CDC42BPA: variants seen among roughly 807,000 people sequenced by gnomAD.
CDC42BPA encodes CDC42 binding protein kinase alpha, also known as serine/threonine-protein kinase MRCK alpha.
In CDC42BPA, 80 loss-of-function variants were observed where a neutral mutation model predicts 223.5. The ratio of observed to expected loss-of-function variants is 0.36; its 90% CI spans 0.30 to 0.43. CDC42BPA has a LOEUF of 0.43. CDC42BPA is among the 20% of genes least tolerant of loss of function. CDC42BPA has a pLI of 1.00. For missense variants in CDC42BPA, 1,743 were observed against 2,099.9 expected, an observed-to-expected ratio of 0.83 and a Z score of 3.32; for synonymous variants, 694 against 718.6, an observed-to-expected ratio of 0.97 and a Z score of 0.55.
intron 3 of CDC42BPA, among the ~76,000 whole-genome samples, chr1:227,212,431 T>C (rs926465941): frequency 6.6e-6 from 1 of 152,112 alleles, no homozygotes; most frequent in African/African-American, 2.4e-5. Flanking sequence ...CCAGTTAAAA[T>C]ACTGACAGAA....
chr1:227,220,303 TATATATATACAC>T (rs202125511), intron 2 of CDC42BPA, among the ~76,000 whole-genome samples: 1,246 of 76,176 alleles, frequency 0.016, 20 homozygotes, highest in East Asian at 0.059. Context: ...TATATATATA[TATATATATACAC>T]ACACACACAC....
intron 2 of CDC42BPA, among the ~76,000 whole-genome samples, chr1:227,251,219 T>C (rs1681943942): frequency 6.7e-6 from 1 of 148,668 alleles, no homozygotes; most frequent in Admixed American, 6.7e-5. Context: ...GGAACTAAAA[T>C]ATATGACAGC....
intron 1 of CDC42BPA, among the ~76,000 whole-genome samples, chr1:227,305,325 T>A (rs1692352244): frequency 2.6e-5 from 4 of 152,090 alleles, no homozygotes; most frequent in Admixed American, 2.6e-4. Context: ...AACATTTTTT[T>A]ATCTTAAATC....
chr1:227,033,345 A>G lies in CDC42BPA; in HGVS notation c.3547T>C (p.Cys1183Arg). The part of the protein sequence containing the change: ...VIHASRKDIP[C>R]IFRVTASQLS... ...GCATACACACTTACCCTAAATATAC[A>G]GGGTATATCTTTCCGACTTGCATGG... The change falls in exon 27 of 37, where the codon TGT (cysteine) becomes CGT (arginine). Residue 1183 changes from cysteine to arginine, a missense_variant. Cys to Arg is a radical substitution (Grantham distance 180). Around this residue, in one of 6 missense-constraint regions of CDC42BPA, gnomAD observed 678 missense variants for 777.5 expected, o/e 0.87. Coordinates refer to ENST00000366766, the MANE Select transcript of CDC42BPA (RefSeq NM_001394014.1). 1 of 1,604,142 alleles carries G rather than the reference A, an allele frequency of 6.2e-7. No individual in the cohort carries two copies. The highest frequency in any genetic ancestry group is 8.5e-7 in the Non-Finnish European group (1 of 1,171,030).
At chr1:227,181,655 A>G (rs1667957840) in intron 5 of CDC42BPA, among the ~76,000 whole-genome samples, 1 of 152,154 alleles carries the variant, frequency 6.6e-6, no homozygotes, top group Non-Finnish European at 1.5e-5. Flanking sequence ...TAGCTCCTCT[A>G]AAGAGTATTT....
chr1:227,163,032 ATG>A (rs1229673179), intron 5 of CDC42BPA, among the ~76,000 whole-genome samples: 12 of 23,990 alleles, frequency 5.0e-4, no homozygotes, highest in Admixed American at 2.6e-3. Context: ...TTCCAAACAT[ATG>A]TGTTTCCAAA....
chr1:227,223,728 C>A (rs1400766814), intron 2 of CDC42BPA, among the ~76,000 whole-genome samples: 1 of 152,170 alleles, frequency 6.6e-6, no homozygotes, highest in Non-Finnish European at 1.5e-5. Context: ...GTCCAACTTA[C>A]AATAGTTCAA....
intron 5 of CDC42BPA, among the ~76,000 whole-genome samples, chr1:227,162,368 A>AG (rs1308192280): frequency 1.3e-5 from 2 of 152,200 alleles, no homozygotes. Context: ...TCCACTACCC[A>AG]GACATAGCTA....
At position 226,995,107 on chromosome 1, in the gene CDC42BPA, TA is replaced by T. The variant is rs144248243; in HGVS notation, c.4976-128del. The T allele has an allele frequency of 3.5e-3, 2,640 of 762,628 alleles. 57 individuals are homozygous for T. The East Asian group carries it at 0.035, about 10-fold the overall frequency. 47.2% of individuals were successfully genotyped at this position (762,628 alleles called of 1,614,324 possible). A position where few individuals can be genotyped will look rare whatever the true frequency, so the allele number is the denominator to read the frequency against. ...AGACCACTCCTCCCCTGAAGCGCAG[TA>T]AGTCCAACTGTAGTACCTTTGCCCT... is the stretch of plus-strand genomic sequence containing the variant. On this transcript the variant is annotated intron_variant, in intron 35 of 36. Transcript: ENST00000366766.
intron 6 of CDC42BPA, among the ~76,000 whole-genome samples, chr1:227,151,004 T>C (rs1661650308): frequency 1.3e-5 from 2 of 152,198 alleles, no homozygotes; most frequent in African/African-American, 2.4e-5. Context: ...GTGGTAAAAA[T>C]AGACATAAAA....
In CDC42BPA at chr1:227,317,049, G is replaced by T; in HGVS notation, c.134C>A (p.Ser45Tyr). 4 of 1,613,712 alleles carry T rather than the reference G, an allele frequency of 2.5e-6. No homozygotes were observed. Residue 45 changes from serine (S) to tyrosine (Y), a missense_variant, in exon 1 of 37, where the codon TCT becomes TAT. This residue lies in a region of CDC42BPA where 321 missense variants were observed against 488.7 expected (regional missense o/e 0.66). Coordinates refer to ENST00000366766, the MANE Select transcript of CDC42BPA (RefSeq NM_001394014.1). ...AATGTTCTTCTCTCTTCTCAATGGA[G>T]AATTATTGCATTCATCATAAAGGCA... Reference protein sequence around the residue: ...LICLYDECNNSPLRREKNILE... With the variant: ...LICLYDECNNYPLRREKNILE...
intron 1 of CDC42BPA, among the ~76,000 whole-genome samples, chr1:227,284,079 TA>T (rs1688439869): frequency 6.6e-6 from 1 of 152,136 alleles, no homozygotes; most frequent in Admixed American, 6.5e-5. Flanking sequence ...ACTTTTTAAT[TA>T]AGTGCTTTAC....
intron 24 of CDC42BPA, among the ~76,000 whole-genome samples, chr1:227,039,489 C>A (rs570455104): frequency 6.6e-6 from 1 of 151,998 alleles, no homozygotes; most frequent in South Asian, 2.1e-4. Flanking sequence ...TAATTTAAAC[C>A]ATTTTCACTT....
intron 3 of CDC42BPA, among the ~76,000 whole-genome samples, chr1:227,206,142 G>A (rs1450427113): frequency 3.3e-5 from 5 of 152,224 alleles, no homozygotes; most frequent in Non-Finnish European, 7.3e-5. Context: ...CTCATGAAAT[G>A]AGTAAGGACA....
At chr1:227,195,998 C>T (rs1670620117) in intron 4 of CDC42BPA, among the ~76,000 whole-genome samples, 1 of 152,078 alleles carries the variant, frequency 6.6e-6, no homozygotes, top group East Asian at 1.9e-4. Context: ...CATGCTGAAC[C>T]TCAATAGTCA....
chr1:227,024,739 A>G (rs1459200462), intron 31 of CDC42BPA, among the ~76,000 whole-genome samples: 2 of 152,198 alleles, frequency 1.3e-5, no homozygotes, highest in African/African-American at 2.4e-5. Context: ...ACTGAAAGAT[A>G]TATTATTTAG....
intron 35 of CDC42BPA, among the ~76,000 whole-genome samples, chr1:227,002,194 C>A (rs1358708734): frequency 6.6e-6 from 1 of 152,178 alleles, no homozygotes; most frequent in Non-Finnish European, 1.5e-5. Flanking sequence ...TCAAGGGTTT[C>A]AGGTAAGGAA....
intron 21 of CDC42BPA, among the ~76,000 whole-genome samples, chr1:227,066,892 T>C (rs923785126): frequency 1.3e-5 from 2 of 152,170 alleles, no homozygotes; most frequent in African/African-American, 2.4e-5. Flanking sequence ...GTTAATTTCT[T>C]CCAAACCATA....
At chr1:227,279,903 A>G (rs1687732105) in intron 1 of CDC42BPA, among the ~76,000 whole-genome samples, 1 of 152,044 alleles carries the variant, frequency 6.6e-6, no homozygotes, top group African/African-American at 2.4e-5. Context: ...ATAAAAATAC[A>G]AAAAATTAGC....
Sources: gnomAD v4.1 joint callset for allele counts (sites outside exome capture counted in the v4.1 genomes callset) on GRCh38, gnomAD v4.1.1 for gene constraint, gnomAD v4.1.1 regional missense constraint, MANE v1.5 for transcripts, NCBI Gene and HGNC (gene_info 2026-07-23, HGNC 2026-07-21) for gene names.